The following SDK1 variants were observed in gnomAD, a reference collection of about 807,000 sequenced individuals.
SDK1 encodes sidekick cell adhesion molecule 1.
In SDK1, 157 loss-of-function variants were observed where a neutral mutation model predicts 245.5. The ratio of observed to expected loss-of-function variants is 0.64; its 90% CI spans 0.56 to 0.73. The LOEUF is 0.73. Ranked by LOEUF, SDK1 falls within the 30% of genes least tolerant of loss-of-function variation. The probability of loss-of-function intolerance (pLI) is 0.00; values close to 1 mark genes in which losing one functional copy is unlikely to be tolerated. For missense variants in SDK1, 3,583 were observed against 3,002.3 expected (o/e 1.19, Z -4.52); for synonymous variants, 1,647 against 1,278.5 (o/e 1.29, Z -6.15).
At chr7:3,936,273 T>C (rs951732038) in intron 5 of SDK1, among the ~76,000 whole-genome samples, 1 of 151,996 alleles carries the variant, frequency 6.6e-6, no homozygotes, top group Non-Finnish European at 1.5e-5. Flanking sequence ...GTGCAGAGTT[T>C]CAGTTTGGGA....
rs540028632 is a variant in SDK1 at position 3,684,965 on chromosome 7, A to G, written c.713+42860A>G. On this transcript the variant is annotated intron_variant, in intron 4 of 44. Coordinates refer to ENST00000404826, the MANE Select transcript of SDK1 (RefSeq NM_152744.4). ...ACAACTAAGAAAAAATAGATTGGAC[A>G]CAACAACAATGGACCCAAAGGGACC... 3.9e-5 allele frequency among the ~76,000 whole-genome samples: 6 copies of G among 152,312 alleles called. No individual in the cohort carries two copies. The South Asian group carries it at 1.2e-3, about 32-fold the overall frequency.
At chr7:3,790,983 T>C (rs1299323676) in intron 4 of SDK1, among the ~76,000 whole-genome samples, 3 of 152,114 alleles carry the variant, frequency 2.0e-5, no homozygotes, top group Non-Finnish European at 4.4e-5. Context: ...CGTCACTCAC[T>C]TGCTGTGTGA....
At chr7:3,756,577 C>T (rs1347905923) in intron 4 of SDK1, among the ~76,000 whole-genome samples, 1 of 151,178 alleles carries the variant, frequency 6.6e-6, no homozygotes, top group Non-Finnish European at 1.5e-5. Flanking sequence ...AAAGAAAATG[C>T]TCAACTTTAT....
chr7:3,905,007 A>T (rs11763046), intron 5 of SDK1, among the ~76,000 whole-genome samples: 107,715 of 143,752 alleles, frequency 0.75, 40,783 homozygotes, highest in East Asian at 0.95. Context: ...AAAAAAAAAA[A>T]AATAATAATA....
intron 4 of SDK1, among the ~76,000 whole-genome samples, chr7:3,807,204 C>G (rs779466191): frequency 1.3e-5 from 2 of 152,174 alleles, no homozygotes; most frequent in African/African-American, 2.4e-5. Context: ...GCTCATAGCT[C>G]TGCCTCTTAT....
At chr7:3,673,278 G>A (rs886784652) in intron 4 of SDK1, among the ~76,000 whole-genome samples, 3 of 152,174 alleles carry the variant, frequency 2.0e-5, no homozygotes, top group Non-Finnish European at 4.4e-5. Context: ...TCCCATGGGG[G>A]CGGTTCATGA....
intron 1 of SDK1, among the ~76,000 whole-genome samples, chr7:3,540,458 C>G (rs918127310): frequency 1.3e-5 from 2 of 151,978 alleles, no homozygotes; most frequent in African/African-American, 4.8e-5. Flanking sequence ...ATTTAAGGGG[C>G]AAGTGGAAGA....
In SDK1 at chr7:4,266,229, A is replaced by G. The variant is rs2128246185; in HGVS notation, c.*845A>G. On this transcript the variant is annotated 3_prime_UTR_variant, in exon 45 of 45. Transcript: ENST00000404826. ...CTCCAGAATTGCTTGTTACGTAGGA[A>G]GCGTGCATTGTTAACCAGAGTATTT... The G allele has an allele frequency of 1.0e-6, 1 of 985,434 alleles. No individual in the cohort carries two copies. The highest frequency in any genetic ancestry group is 1.2e-6 in the Non-Finnish European group (1 of 829,910). 61.0% of individuals were successfully genotyped at this position (985,434 alleles called of 1,614,324 possible). A position where few individuals can be genotyped will look rare whatever the true frequency, so the allele number is the denominator to read the frequency against.
chr7:4,187,358 A>G (rs770525952), intron 35 of SDK1, among the ~76,000 whole-genome samples: 4 of 152,202 alleles, frequency 2.6e-5, no homozygotes, highest in Non-Finnish European at 4.4e-5. Flanking sequence ...ATCTTTTCCA[A>G]CGTCTCCAAT....
Position 3,974,387 on chromosome 7 carries a change from C to A in SDK1, c.1836C>A (p.Asp612Glu). The part of the protein sequence containing the change: ...RVSLRYVWKK[D>E]NVALTPSSTS... Reference sequence around the variant, plus strand: ...CCCACAGCTACGTTTGGAAGAAGGACAACGTGGCCCTGACTCCATCGAGCA... The same window carrying A: ...CCCACAGCTACGTTTGGAAGAAGGAAAACGTGGCCCTGACTCCATCGAGCA... The change falls in exon 13 of 45, where the codon GAC becomes GAA. Residue 612 changes from aspartate (D) to glutamate (E), a missense_variant. Coordinates refer to ENST00000404826, the MANE Select transcript of SDK1 (RefSeq NM_152744.4). 1 of 1,613,022 alleles carries A rather than the reference C, an allele frequency of 6.2e-7. No homozygotes were observed. The highest frequency in any genetic ancestry group is 8.5e-7 in the Non-Finnish European group (1 of 1,179,192).
intron 22 of SDK1, among the ~76,000 whole-genome samples, chr7:4,096,822 C>T (rs73304729): frequency 0.021 from 3,171 of 152,008 alleles, 103 homozygotes; most frequent in African/African-American, 0.072. Flanking sequence ...ATTCAGGGGC[C>T]GGGGACACTG....
chr7:3,483,071 C>G (rs918635378), intron 1 of SDK1, among the ~76,000 whole-genome samples: 1 of 152,018 alleles, frequency 6.6e-6, no homozygotes, highest in Non-Finnish European at 1.5e-5. Flanking sequence ...TTTCATTGTT[C>G]TTTTTAGAAG....
chr7:3,958,704 A>G (rs1781450106), intron 7 of SDK1, among the ~76,000 whole-genome samples: 4 of 152,174 alleles, frequency 2.6e-5, no homozygotes, highest in Admixed American at 2.6e-4. Context: ...AAGCCCATAA[A>G]CTGAAAAGTA....
At chr7:3,583,274 G>A (rs542859482) in intron 1 of SDK1, among the ~76,000 whole-genome samples, 2 of 152,154 alleles carry the variant, frequency 1.3e-5, no homozygotes, top group Non-Finnish European at 2.9e-5. Flanking sequence ...CCATCTTTCC[G>A]GGAGTAAACT....
intron 5 of SDK1, among the ~76,000 whole-genome samples, chr7:3,840,564 G>T (rs556690172): frequency 6.6e-6 from 1 of 152,224 alleles, no homozygotes; most frequent in Admixed American, 6.5e-5. Context: ...CAGCCCTCCT[G>T]AATCAAATCC....
chr7:4,084,729 ATGTTG>A (rs1330063233), intron 22 of SDK1, among the ~76,000 whole-genome samples: 6 of 100,518 alleles, frequency 6.0e-5, no homozygotes, highest in South Asian at 6.9e-4. Flanking sequence ...ATGTTATGTT[ATGTTG>A]TTACTTAAAT....
chr7:3,564,496 T>G (rs538355031), intron 1 of SDK1, among the ~76,000 whole-genome samples: 1 of 152,080 alleles, frequency 6.6e-6, no homozygotes, highest in East Asian at 1.9e-4. Context: ...AAAAAAAATT[T>G]ATTTTAATAA....
chr7:3,732,615 A>G (rs1007006192), intron 4 of SDK1, among the ~76,000 whole-genome samples: 2 of 152,228 alleles, frequency 1.3e-5, no homozygotes, highest in Non-Finnish European at 2.9e-5. Context: ...GAAGCATTCA[A>G]AGAGACTGAG....
In SDK1 at chr7:3,967,512, ACT is replaced by A. The variant is rs1297883737; in HGVS notation, c.1546+83_1546+84del. The A allele has an allele frequency of 5.8e-6, 5 of 866,926 alleles. No homozygotes were observed. The East Asian group carries it at 1.2e-4, about 21-fold the overall frequency. 53.7% of individuals were successfully genotyped at this position (866,926 alleles called of 1,614,324 possible). Reference sequence around the variant, plus strand: ...TCGGGCCAGTGCTTGCTTCTTATTCACTCTCTTGTTTATTCACTTATGCATTC... The same window carrying A: ...TCGGGCCAGTGCTTGCTTCTTATTCACTCTTGTTTATTCACTTATGCATTC... On this transcript the variant is annotated intron_variant, in intron 10 of 44. Transcript: ENST00000404826.
Sources: gnomAD v4.1 joint callset for allele counts (sites outside exome capture counted in the v4.1 genomes callset) on GRCh38, gnomAD v4.1.1 for gene constraint, MANE v1.5 for transcripts, NCBI Gene and HGNC (gene_info 2026-07-23, HGNC 2026-07-21) for gene names.